LRRCC1: variants seen among roughly 807,000 people sequenced by gnomAD.
LRRCC1 encodes the protein leucine-rich repeat and coiled-coil domain-containing protein 1.
Under a neutral mutation model 126.0 loss-of-function variants are expected in LRRCC1, and 115 were observed. The observed-to-expected ratio is 0.91, with a 90% CI of 0.78 to 1.07. LRRCC1 has a LOEUF of 1.07. Among genes scored for constraint, LRRCC1 ranks in the 50% least tolerant of loss-of-function variants. The probability of loss-of-function intolerance (pLI) is 0.00; values close to 1 mark genes in which losing one functional copy is unlikely to be tolerated. For synonymous variants in LRRCC1, 400 were observed against 393.4 expected (o/e 1.02, Z -0.20); for missense variants, 1,172 against 1,175.7 (o/e 1.00, Z 0.05).
At chr8:85,132,499 T>C (rs1023714849) in intron 12 of LRRCC1, among the ~76,000 whole-genome samples, 6 of 151,898 alleles carry the variant, frequency 4.0e-5, no homozygotes, top group Admixed American at 3.9e-4. Flanking sequence ...TTCAAGCAGT[T>C]CTGCTGTCTC....
chr8:85,123,823 A>G (rs1029892925), intron 7 of LRRCC1, among the ~76,000 whole-genome samples: 1 of 152,170 alleles, frequency 6.6e-6, no homozygotes, highest in African/African-American at 2.4e-5. Flanking sequence ...TTAATGTATA[A>G]ACCTGAAGAT....
chr8:85,107,439 C>G, intron 1 of LRRCC1, 40 bp downstream of exon 1: 1 of 1,530,880 alleles, frequency 6.5e-7, no homozygotes, highest in Non-Finnish European at 8.9e-7. Context: ...CCGCGCACTC[C>G]CCAGAGCCGG....
chr8:85,118,913 G>T (rs1410974908), intron 6 of LRRCC1, among the ~76,000 whole-genome samples: 1 of 151,314 alleles, frequency 6.6e-6, no homozygotes, highest in Non-Finnish European at 1.5e-5. Context: ...ATTGTTTTCT[G>T]CAACTTTAAA....
chr8:85,137,387 A>G, intron 14 of LRRCC1, 77 bp from the exon 15 acceptor site: 2 of 836,726 alleles, frequency 2.4e-6, no homozygotes, highest in Non-Finnish European at 3.5e-6. Context: ...TTATTATATT[A>G]CAGTTTGTTA....
chr8:85,137,749 A>G (rs779452362), intron 15 of LRRCC1, 122 bp downstream of exon 15: 73 of 673,078 alleles, frequency 1.1e-4, no homozygotes, highest in Non-Finnish European at 1.4e-4. Flanking sequence ...GGTAGATATC[A>G]TGCATTTCTT....
chr8:85,134,100 T>C (rs1356113651), intron 12 of LRRCC1, among the ~76,000 whole-genome samples: 1 of 152,138 alleles, frequency 6.6e-6, no homozygotes, highest in Non-Finnish European at 1.5e-5. Flanking sequence ...CCTACCTCCT[T>C]CCAGTCATTG....
At chr8:85,124,498 C>T (rs1809815463) in intron 7 of LRRCC1, among the ~76,000 whole-genome samples, 1 of 152,118 alleles carries the variant, frequency 6.6e-6, no homozygotes, top group South Asian at 2.1e-4. Flanking sequence ...TGGGTATCAT[C>T]TTACCACAGT....
chr8:85,127,687 T>C (rs1810119065), intron 9 of LRRCC1, among the ~76,000 whole-genome samples: 1 of 152,216 alleles, frequency 6.6e-6, no homozygotes, highest in African/African-American at 2.4e-5. Context: ...TCTACCCCAC[T>C]GCATGTTTCT....
chr8:85,141,026 A>G (rs917658426), intron 17 of LRRCC1, among the ~76,000 whole-genome samples: 1 of 152,172 alleles, frequency 6.6e-6, no homozygotes, highest in Non-Finnish European at 1.5e-5. Context: ...TGATCATGCC[A>G]CTGCACTCCA....
chr8:85,129,288 A>G lies in LRRCC1; in HGVS notation c.1535A>G (p.Asp512Gly), dbSNP rs1221601899. The G allele has an allele frequency of 1.2e-6, 2 of 1,613,840 alleles. No individual in the cohort carries two copies. Among genetic ancestry groups the G allele is most frequent in the African/African-American group, 1.3e-5 (1 of 75,050 alleles). ...KLTVELMKAK[D>G]QQEDHLKHLR... The stretch of plus-strand genomic sequence containing the variant: ...ACTGTTGAACTAATGAAAGCAAAAG[A>G]TCAACAAGAGGATCACCTTAAACAC... The change falls in exon 10 of 19, where the codon GAT becomes GGT. Residue 512 changes from aspartate (D) to glycine (G), a missense_variant. Physicochemically the swap from Asp to Gly is moderately conservative, Grantham distance 94 (BLOSUM62 -1). Transcript: ENST00000360375.
chr8:85,139,033 C>T (rs186123736), intron 17 of LRRCC1, among the ~76,000 whole-genome samples: 2 of 151,030 alleles, frequency 1.3e-5, no homozygotes, highest in Admixed American at 6.6e-5. Flanking sequence ...GCAACAAGAG[C>T]GAAACTTTGT....
intron 18 of LRRCC1, among the ~76,000 whole-genome samples, chr8:85,144,350 T>C (rs561824543): frequency 1.3e-5 from 2 of 151,422 alleles, no homozygotes; most frequent in East Asian, 3.9e-4. Flanking sequence ...CTATGATATA[T>C]AGAAACTGTA....
intron 6 of LRRCC1, among the ~76,000 whole-genome samples, chr8:85,117,881 C>A (rs1001070531): frequency 6.6e-6 from 1 of 152,076 alleles, no homozygotes; most frequent in African/African-American, 2.4e-5. Flanking sequence ...GCATGCATAT[C>A]ATTAATTAGA....
At position 85,137,629 on chromosome 8, in the gene LRRCC1, T is replaced by G; in HGVS notation, c.2493+2T>G. 1 of 1,432,946 alleles carries G rather than the reference T, an allele frequency of 7.0e-7. No homozygotes were observed. Among genetic ancestry groups the G allele is most frequent in the Non-Finnish European group, 9.2e-7 (1 of 1,091,342 alleles). The allele number at this position is 1,432,946 out of a possible 1,614,324, so 88.8% of individuals were successfully genotyped here. On this transcript the variant is annotated splice_donor_variant, in intron 15 of 18. Transcript: ENST00000360375. LOFTEE classifies it high-confidence loss of function. Reference sequence around the variant, plus strand: ...GAAACTATTAGAAAATTAAAAGATGTAAGTTTGACATTTTATTTTGGTTAA... The same window carrying G: ...GAAACTATTAGAAAATTAAAAGATGGAAGTTTGACATTTTATTTTGGTTAA...
chr8:85,124,348 C>G (rs1809799899), intron 7 of LRRCC1, among the ~76,000 whole-genome samples: 1 of 152,134 alleles, frequency 6.6e-6, no homozygotes, highest in South Asian at 2.1e-4. Flanking sequence ...ACTTCAAACA[C>G]TGTACTTTTT....
intron 6 of LRRCC1, among the ~76,000 whole-genome samples, chr8:85,118,503 C>T (rs963004313): frequency 2.0e-5 from 3 of 152,012 alleles, no homozygotes; most frequent in African/African-American, 7.2e-5. Flanking sequence ...CAATGTATGG[C>T]TGTTCCAGTT....
chr8:85,145,117 G>GTA (rs10647086), intron 18 of LRRCC1, among the ~76,000 whole-genome samples: 11,133 of 143,258 alleles, frequency 0.078, 788 homozygotes, highest in African/African-American at 0.2. Flanking sequence ...ATATATGTGT[G>GTA]TATATATATA....
chr8:85,132,886 T>G (rs1380840630), intron 12 of LRRCC1, among the ~76,000 whole-genome samples: 2 of 152,214 alleles, frequency 1.3e-5, no homozygotes, highest in African/African-American at 2.4e-5. Context: ...TCAGTAAGTC[T>G]TCTTTCTTAC....
intron 6 of LRRCC1, among the ~76,000 whole-genome samples, chr8:85,122,024 C>G (rs774157358): frequency 3.3e-5 from 5 of 152,086 alleles, no homozygotes; most frequent in Non-Finnish European, 7.4e-5. Flanking sequence ...CACCTTTATT[C>G]TTAATGGACT....
Sources: allele counts gnomAD v4.1 joint callset (sites outside exome capture counted in the v4.1 genomes callset), GRCh38; gene constraint gnomAD v4.1.1; transcripts MANE v1.5; gene names NCBI Gene and HGNC (gene_info 2026-07-23, HGNC 2026-07-21).